SF3B3: variants seen among roughly 807,000 people sequenced by gnomAD.
SF3B3 encodes the protein splicing factor 3b subunit 3.
A neutral mutation model predicts 139.2 loss-of-function variants in SF3B3; 33 were observed. That is an observed-to-expected ratio of 0.24 (90% CI 0.18 to 0.32). The LOEUF is 0.32. Among genes scored for constraint, SF3B3 ranks in the 10% least tolerant of loss-of-function variants. SF3B3 has a pLI of 1.00. For missense variants in SF3B3, 818 were observed against 1,509.4 expected (o/e 0.54, Z 7.59); for synonymous variants, 596 against 563.6 (o/e 1.06, Z -0.81).
At chr16:70,550,979 C>G (rs1406199243) in intron 11 of SF3B3, among the ~76,000 whole-genome samples, 1 of 152,174 alleles carries the variant, frequency 6.6e-6, no homozygotes, top group Non-Finnish European at 1.5e-5. Flanking sequence ...GTTGTACATT[C>G]CAGGTGTACT....
chr16:70,550,909 G>A (rs2050319141), intron 11 of SF3B3, among the ~76,000 whole-genome samples: 1 of 152,188 alleles, frequency 6.6e-6, no homozygotes, highest in Admixed American at 6.6e-5. Context: ...TGGTTAATTT[G>A]CCTTTTACTA....
chr16:70,574,955 T>A lies in SF3B3; in HGVS notation c.*3142T>A, dbSNP rs2050563381. On this transcript the variant is annotated 3_prime_UTR_variant, in exon 26 of 26. Transcript: ENST00000302516. Reference sequence around the variant, plus strand: ...AGAAGAAACATCTCTGCTGCTGAAATCAAACCTGGTCCAAAAAACGTCACA... The same window carrying A: ...AGAAGAAACATCTCTGCTGCTGAAAACAAACCTGGTCCAAAAAACGTCACA... The A allele has an allele frequency of 6.6e-6, 1 of 152,170 alleles. No individual in the cohort carries two copies. The highest frequency in any genetic ancestry group is 2.4e-5 in the African/African-American group (1 of 41,436). 9.4% of individuals were successfully genotyped at this position (152,170 alleles called of 1,614,324 possible).
rs747953081 is a variant in SF3B3 at position 70,529,069 on chromosome 16, T to C, written c.267T>C (p.Ile89=). ...GCAGTGACTCTGGTCGAATTGTTAT[T>C]TTGGAATACCAGCCATCTAAGAATA... ...VVGSDSGRIV[I]LEYQPSKNMF... Residue 89 remains isoleucine (I), a synonymous_variant, in exon 3 of 26, where the codon ATT becomes ATC. Coordinates refer to ENST00000302516, the MANE Select transcript of SF3B3 (RefSeq NM_012426.5). 58 of 1,614,246 alleles carry C rather than the reference T, an allele frequency of 3.6e-5. No individual in the cohort carries two copies. In the South Asian group the frequency reaches 4.7e-4, roughly 13 times the overall value.
At chr16:70,537,077 G>C (rs1294514322) in intron 6 of SF3B3, among the ~76,000 whole-genome samples, 1 of 152,086 alleles carries the variant, frequency 6.6e-6, no homozygotes, top group Admixed American at 6.5e-5. Context: ...CCAAAGTGTT[G>C]GGATTACAGG....
At position 70,555,119 on chromosome 16, in the gene SF3B3, G is replaced by T; in HGVS notation, c.1623G>T (p.Lys541Asn). 1 of 1,614,162 alleles carries T rather than the reference G, an allele frequency of 6.2e-7. No homozygotes were observed. The highest frequency in any genetic ancestry group is 8.5e-7 in the Non-Finnish European group (1 of 1,180,006). The change falls in exon 13 of 26, where the codon AAG becomes AAT. Residue 541 changes from lysine (K) to asparagine (N), a missense_variant. Physicochemically the swap from Lys to Asn is moderately conservative, Grantham distance 94. Transcript: ENST00000302516. ...TCAATGAGTGGAAGACCCCTGGAAAGAAAACAATTGTGAAGTGTGCAGTGA... is the reference window on the plus strand; with the variant it reads ...TCAATGAGTGGAAGACCCCTGGAAATAAAACAATTGTGAAGTGTGCAGTGA... ...KRVNEWKTPG[K>N]KTIVKCAVNQ...
chr16:70,556,630 CT>C (rs2050381801), intron 14 of SF3B3: 2 of 598,152 alleles, frequency 3.3e-6, no homozygotes, highest in African/African-American at 3.7e-5. Flanking sequence ...CCCTAGGTGA[CT>C]TTTCAGGAGG....
At chr16:70,566,301 G>A (rs1186623674) in intron 20 of SF3B3, among the ~76,000 whole-genome samples, 2 of 151,980 alleles carry the variant, frequency 1.3e-5, no homozygotes, top group East Asian at 1.9e-4. Flanking sequence ...GGTGTCTCAC[G>A]CCTGTAATCC....
intron 6 of SF3B3, among the ~76,000 whole-genome samples, chr16:70,536,454 C>T (rs951256292): frequency 1.3e-5 from 2 of 152,138 alleles, no homozygotes; most frequent in Non-Finnish European, 2.9e-5. Context: ...AGCTCCGCCT[C>T]CCGGGTTCAC....
intron 8 of SF3B3, among the ~76,000 whole-genome samples, chr16:70,540,859 C>T (rs1166438321): frequency 6.6e-6 from 1 of 152,172 alleles, no homozygotes; most frequent in African/African-American, 2.4e-5. Context: ...CTGATGTACA[C>T]TTGGATTGTT....
Position 70,571,465 on chromosome 16 carries a change from C to T in SF3B3, c.3514-208C>T, listed in dbSNP as rs550589212. Among the ~76,000 whole-genome samples, 5 of 152,244 alleles carry T rather than the reference C, an allele frequency of 3.3e-5. No homozygotes were observed. The South Asian group carries it at 6.2e-4, about 19-fold the overall frequency. On this transcript the variant is annotated intron_variant, in intron 25 of 25. Transcript: ENST00000302516. ...GGGCGTGGTGGCACACATTTGTGGT[C>T]CCAGCCAATCGGGAGGCTGAGCCCC...
At chr16:70,551,176 A>G (rs1329176024) in intron 11 of SF3B3, among the ~76,000 whole-genome samples, 1 of 152,188 alleles carries the variant, frequency 6.6e-6, no homozygotes. Context: ...AGGCAAGGCA[A>G]GTAGAAGAAA....
rs577536447 is a variant in SF3B3, at chr16:70,536,365, T to A, written c.825+945T>A. 1.1e-4 allele frequency among the ~76,000 whole-genome samples: 17 copies of A among 151,920 alleles called. No homozygotes were observed. In the South Asian group the frequency reaches 3.5e-3, roughly 32 times the overall value. On this transcript the variant is annotated intron_variant, in intron 6 of 25. Coordinates refer to ENST00000302516, the MANE Select transcript of SF3B3 (RefSeq NM_012426.5). The stretch of plus-strand genomic sequence containing the variant: ...TTTTGTATTTTTATTTTTTGTATTT[T>A]ATTTATTTATTTATTTGAGACGGAG...
chr16:70,526,597 C>G lies in SF3B3; in HGVS notation c.-60C>G. On this transcript the variant is annotated 5_prime_UTR_variant, in exon 2 of 26. Coordinates refer to ENST00000302516, the MANE Select transcript of SF3B3 (RefSeq NM_012426.5). ...TTTCTGTTTTCTTAGCTTTCTTGGACTCCGTACTGTTGGTGTAACCAAGGC... is the reference window on the plus strand; with the variant it reads ...TTTCTGTTTTCTTAGCTTTCTTGGAGTCCGTACTGTTGGTGTAACCAAGGC... The G allele has an allele frequency of 8.4e-7, 1 of 1,185,916 alleles. No individual in the cohort carries two copies. The highest frequency in any genetic ancestry group is 1.2e-6 in the Non-Finnish European group (1 of 806,648). 73.5% of individuals were successfully genotyped at this position (1,185,916 alleles called of 1,614,324 possible). A position where few individuals can be genotyped will look rare whatever the true frequency, so the allele number is the denominator to read the frequency against.
rs2050583976 is a variant in SF3B3 at position 70,576,656 on chromosome 16, A to AT, written c.*4844dup. On this transcript the variant is annotated 3_prime_UTR_variant, in exon 26 of 26. Transcript: ENST00000302516. ...GGGGAATCTCAGCTTTAGGGAGTCG[A>AT]TGATGTAACTGGAGAAAGGCAATGC... 1.3e-5 allele frequency: 2 copies of AT among 152,190 alleles called. No individual in the cohort carries two copies. The highest frequency in any genetic ancestry group is 2.9e-5 in the Non-Finnish European group (2 of 68,046). 9.4% of individuals were successfully genotyped at this position (152,190 alleles called of 1,614,324 possible). A position where few individuals can be genotyped will look rare whatever the true frequency, so the allele number is the denominator to read the frequency against.
intron 16 of SF3B3, among the ~76,000 whole-genome samples, chr16:70,560,925 C>A (rs1393836494): frequency 6.6e-6 from 1 of 152,152 alleles, no homozygotes; most frequent in East Asian, 1.9e-4. Context: ...CGTTTACTAC[C>A]TAATGTGAAA....
At chr16:70,558,302 G>A (rs998721444) in intron 15 of SF3B3, among the ~76,000 whole-genome samples, 14 of 151,050 alleles carry the variant, frequency 9.3e-5, no homozygotes, top group African/African-American at 3.2e-4. Flanking sequence ...AAAAAATAGA[G>A]ATAGGGTCTC....
chr16:70,541,895 AAGAAAT>A, intron 9 of SF3B3, 61 bp downstream of exon 9: 2 of 1,395,940 alleles, frequency 1.4e-6, no homozygotes, highest in South Asian at 2.7e-5. Flanking sequence ...GGTCTAGTCT[AAGAAAT>A]AGCTTTATTA....
At chr16:70,567,284 A>G in intron 20 of SF3B3, 127 bp from the exon 21 acceptor site, 1 of 1,045,320 alleles carries the variant, frequency 9.6e-7, no homozygotes, top group Non-Finnish European at 1.4e-6. Context: ...ATTCATTAGC[A>G]AAATAAGCTC....
At position 70,559,799 on chromosome 16, in the gene SF3B3, C is replaced by T. The variant is rs560071206; in HGVS notation, c.2011-670C>T. ...TTTTTTTTAAACAGAGACAGAGTCTCGCTATGTTGGCCAGGTTGGTCTTTA... is the reference window on the plus strand; with the variant it reads ...TTTTTTTTAAACAGAGACAGAGTCTTGCTATGTTGGCCAGGTTGGTCTTTA... On this transcript the variant is annotated intron_variant, in intron 15 of 25. Transcript: ENST00000302516. 6.0e-5 allele frequency among the ~76,000 whole-genome samples: 9 copies of T among 151,176 alleles called. No homozygotes were observed. The East Asian group carries it at 9.7e-4, about 16-fold the overall frequency.
Sources: allele counts gnomAD v4.1 joint callset (sites outside exome capture counted in the v4.1 genomes callset), GRCh38; gene constraint gnomAD v4.1.1; transcripts MANE v1.5; gene names NCBI Gene and HGNC (gene_info 2026-07-23, HGNC 2026-07-21).